FBXL7: variants seen among roughly 807,000 people sequenced by gnomAD.
FBXL7 encodes the protein F-box/LRR-repeat protein 7.
Under a neutral mutation model 38.3 loss-of-function variants are expected in FBXL7, and 12 were observed. The ratio of observed to expected loss-of-function variants is 0.31; its 90% CI spans 0.20 to 0.51. The LOEUF (loss-of-function observed/expected upper bound fraction) is 0.51, where lower values mean the gene tolerates loss of function less well. Ranked by LOEUF, FBXL7 falls within the 20% of genes least tolerant of loss-of-function variation. FBXL7 has a pLI of 0.98. For synonymous variants in FBXL7, 297 were observed against 300.9 expected, an observed-to-expected ratio of 0.99 and a Z score of 0.13; for missense variants, 567 against 676.4, an observed-to-expected ratio of 0.84 and a Z score of 1.79.
intron 1 of FBXL7, among the ~76,000 whole-genome samples, chr5:15,533,339 A>G (rs534584564): frequency 1.3e-5 from 2 of 152,350 alleles, no homozygotes; most frequent in East Asian, 1.9e-4. Flanking sequence ...TTTGGGCTCC[A>G]TAGAAACGAC....
At chr5:15,575,834 T>C (rs1738942010) in intron 1 of FBXL7, among the ~76,000 whole-genome samples, 2 of 152,222 alleles carry the variant, frequency 1.3e-5, no homozygotes, top group Admixed American at 1.3e-4. Flanking sequence ...ACAATATGCC[T>C]GTCTCATTGT....
chr5:15,514,156 A>G (rs915903090), intron 1 of FBXL7, among the ~76,000 whole-genome samples: 1 of 152,244 alleles, frequency 6.6e-6, no homozygotes, highest in East Asian at 1.9e-4. Flanking sequence ...TACTTCCAAT[A>G]AGGAAAATTG....
At chr5:15,906,750 A>C (rs1295441992) in intron 2 of FBXL7, among the ~76,000 whole-genome samples, 2 of 82,054 alleles carry the variant, frequency 2.4e-5, no homozygotes, top group East Asian at 3.5e-4. Context: ...CCCACCTATG[A>C]GTGAGAATAT....
At chr5:15,812,936 G>A (rs10058355) in intron 2 of FBXL7, among the ~76,000 whole-genome samples, 139,722 of 151,960 alleles carry the variant, frequency 0.92, 64,261 homozygotes, top group African/African-American at 0.94. Flanking sequence ...CTGTTTGTCT[G>A]TTATTGGTGT....
At chr5:15,779,609 C>T (rs1052557048) in intron 2 of FBXL7, among the ~76,000 whole-genome samples, 7 of 152,126 alleles carry the variant, frequency 4.6e-5, no homozygotes, top group African/African-American at 1.4e-4. Flanking sequence ...CATGCCTTTC[C>T]GAGTTCTAAG....
intron 1 of FBXL7, among the ~76,000 whole-genome samples, chr5:15,587,346 A>C (rs974269654): frequency 1.3e-5 from 2 of 152,212 alleles, no homozygotes; most frequent in African/African-American, 4.8e-5. Flanking sequence ...GTCTCAGCCC[A>C]AAGGTCCACA....
intron 2 of FBXL7, among the ~76,000 whole-genome samples, chr5:15,852,581 GACATGAA>G (rs576172421): frequency 2.0e-3 from 307 of 152,140 alleles, no homozygotes; most frequent in Non-Finnish European, 3.9e-3. Flanking sequence ...ACCGTGCATA[GACATGAA>G]ACCTTTTGGT....
intron 2 of FBXL7, among the ~76,000 whole-genome samples, chr5:15,841,039 T>C (rs1194808243): frequency 6.6e-6 from 1 of 152,162 alleles, no homozygotes; most frequent in African/African-American, 2.4e-5. Context: ...ACTATAGAAC[T>C]TTCCCATTAG....
At chr5:15,710,277 C>T (rs1292407579) in intron 2 of FBXL7, among the ~76,000 whole-genome samples, 2 of 152,136 alleles carry the variant, frequency 1.3e-5, no homozygotes, top group Non-Finnish European at 2.9e-5. Flanking sequence ...TCAATGTCTG[C>T]CACATGTCCT....
At chr5:15,674,673 A>G (rs1027010726) in intron 2 of FBXL7, among the ~76,000 whole-genome samples, 4 of 152,228 alleles carry the variant, frequency 2.6e-5, no homozygotes, top group African/African-American at 9.6e-5. Context: ...ATTTAGAGCT[A>G]TAACAGAATC....
At chr5:15,639,609 C>G (rs905076282) in intron 2 of FBXL7, among the ~76,000 whole-genome samples, 1 of 151,896 alleles carries the variant, frequency 6.6e-6, no homozygotes, top group Non-Finnish European at 1.5e-5. Flanking sequence ...TCTTTATTAG[C>G]AGTGTGAAAA....
At chr5:15,824,399 A>G (rs1310720604) in intron 2 of FBXL7, among the ~76,000 whole-genome samples, 1 of 151,674 alleles carries the variant, frequency 6.6e-6, no homozygotes, top group Non-Finnish European at 1.5e-5. Flanking sequence ...TTATTTTCTC[A>G]GGTGTACTCC....
At chr5:15,573,817 G>C (rs1022954780) in intron 1 of FBXL7, among the ~76,000 whole-genome samples, 4 of 152,096 alleles carry the variant, frequency 2.6e-5, no homozygotes, top group African/African-American at 9.7e-5. Flanking sequence ...TTTATCACGA[G>C]GTCCTTGACT....
intron 2 of FBXL7, among the ~76,000 whole-genome samples, chr5:15,666,662 G>A (rs1742290026): frequency 1.3e-5 from 2 of 152,108 alleles, no homozygotes; most frequent in African/African-American, 2.4e-5. Context: ...TTAGGTAAAC[G>A]TTCTATTGGT....
At chr5:15,780,357 C>G (rs573171209) in intron 2 of FBXL7, among the ~76,000 whole-genome samples, 1 of 152,050 alleles carries the variant, frequency 6.6e-6, no homozygotes, top group East Asian at 1.9e-4. Flanking sequence ...CCCCACTATA[C>G]ATATATATTT....
At chr5:15,566,133 T>C (rs762592927) in intron 1 of FBXL7, among the ~76,000 whole-genome samples, 71 of 152,130 alleles carry the variant, frequency 4.7e-4, no homozygotes, top group Non-Finnish European at 8.4e-4. Context: ...ATGTCCTGTA[T>C]TGAAAATAGA....
At chr5:15,591,364 G>A (rs1222314389) in intron 1 of FBXL7, among the ~76,000 whole-genome samples, 1 of 151,310 alleles carries the variant, frequency 6.6e-6, no homozygotes, top group African/African-American at 2.4e-5. Flanking sequence ...GGGAGGTGGA[G>A]CTTGCAGTGA....
chr5:15,856,308 G>A (rs577135399), intron 2 of FBXL7, among the ~76,000 whole-genome samples: 3 of 151,970 alleles, frequency 2.0e-5, no homozygotes, highest in African/African-American at 4.8e-5. Flanking sequence ...CCCACAACAC[G>A]TAGGAATTAT....
At chr5:15,702,008 C>T (rs962726725) in intron 2 of FBXL7, among the ~76,000 whole-genome samples, 3 of 152,030 alleles carry the variant, frequency 2.0e-5, no homozygotes, top group South Asian at 2.1e-4. Flanking sequence ...GAGACTGAGG[C>T]GGGCAGATCA....
Sources: gnomAD v4.1 joint callset for allele counts (sites outside exome capture counted in the v4.1 genomes callset) on GRCh38, gnomAD v4.1.1 for gene constraint, MANE v1.5 for transcripts, NCBI Gene and HGNC (gene_info 2026-07-23, HGNC 2026-07-21) for gene names.